The following COL23A1 variants were observed in gnomAD, a reference collection of about 807,000 sequenced individuals.
The protein encoded by COL23A1 is collagen type XXIII alpha 1 chain.
Under a neutral mutation model 99.3 loss-of-function variants are expected in COL23A1, and 97 were observed. The ratio of observed to expected loss-of-function variants is 0.98; its 90% CI spans 0.83 to 1.16. The LOEUF (loss-of-function observed/expected upper bound fraction) is 1.16. Ranked by LOEUF, COL23A1 falls within the 50% of genes most tolerant of loss-of-function variation. COL23A1 has a pLI of 0.00. For synonymous variants in COL23A1, 320 were observed against 308.2 expected (o/e 1.04, Z -0.40); for missense variants, 762 against 757.4 (o/e 1.01, Z -0.07).
intron 3 of COL23A1, among the ~76,000 whole-genome samples, chr5:178,302,952 A>G (rs1758151997): frequency 6.6e-6 from 1 of 152,148 alleles, no homozygotes; most frequent in Non-Finnish European, 1.5e-5. Context: ...GCTTCCTCCA[A>G]GTGGCTGCTA....
At chr5:178,402,591 C>T (rs918902651) in intron 2 of COL23A1, among the ~76,000 whole-genome samples, 2 of 151,934 alleles carry the variant, frequency 1.3e-5, no homozygotes, top group African/African-American at 4.8e-5. Context: ...GAAAAGATAA[C>T]ATTTAAGGCA....
intron 2 of COL23A1, among the ~76,000 whole-genome samples, chr5:178,538,633 A>G (rs1006628077): frequency 2.6e-5 from 4 of 152,242 alleles, no homozygotes; most frequent in African/African-American, 9.6e-5. Flanking sequence ...GCCCATCAAT[A>G]AGGTAGCTGT....
rs4526122 is a variant in COL23A1 at position 178,384,637 on chromosome 5, G to A, written c.362-77718C>T. 8.3e-3 allele frequency among the ~76,000 whole-genome samples: 1,265 copies of A among 152,294 alleles called. 23 individuals are homozygous for A. Among genetic ancestry groups the A allele is most frequent in the African/African-American group, 0.028 (1,169 of 41,556 alleles). On this transcript the variant is annotated intron_variant, in intron 2 of 28. Coordinates refer to ENST00000390654, the MANE Select transcript of COL23A1 (RefSeq NM_173465.4). The surrounding 1 kb of genome is among the most constrained non-coding windows in gnomAD (Gnocchi z 5.5). Reference sequence around the variant, plus strand: ...TGACATGGGAAACCAAGGCTCAGAGGGGGCAGGGCCGGGACTTGGACTCAG... The same window carrying A: ...TGACATGGGAAACCAAGGCTCAGAGAGGGCAGGGCCGGGACTTGGACTCAG...
In COL23A1 at chr5:178,434,298, C is replaced by A. The variant is rs1766427752; in HGVS notation, c.361+126384G>T. On this transcript the variant is annotated intron_variant, in intron 2 of 28. Coordinates refer to ENST00000390654, the MANE Select transcript of COL23A1 (RefSeq NM_173465.4). This position sits in a 1 kb window ranked among gnomAD's most constrained non-coding sequence, Gnocchi z 4.3. ...CTGGCCTCTGCAGCCTTCTTGGGTACCTCCTCCTCACGTACTCACTGGCCC... is the reference window on the plus strand; with the variant it reads ...CTGGCCTCTGCAGCCTTCTTGGGTAACTCCTCCTCACGTACTCACTGGCCC... Among the ~76,000 whole-genome samples the A allele has an allele frequency of 6.6e-6, 1 of 152,208 alleles. No individual in the cohort carries two copies. Among genetic ancestry groups the A allele is most frequent in the African/African-American group, 2.4e-5 (1 of 41,444 alleles).
At chr5:178,435,087 T>C (rs1378959405) in intron 2 of COL23A1, among the ~76,000 whole-genome samples, 1 of 152,240 alleles carries the variant, frequency 6.6e-6, no homozygotes, top group Non-Finnish European at 1.5e-5. Context: ...TCCTGGCTCC[T>C]GGAGATTTGC....
At chr5:178,345,886 A>G (rs1385225235) in intron 2 of COL23A1, among the ~76,000 whole-genome samples, 2 of 152,134 alleles carry the variant, frequency 1.3e-5, no homozygotes, top group Non-Finnish European at 2.9e-5. Context: ...TTTTGGGAGG[A>G]CATGGTCATT....
At chr5:178,257,308 A>T (rs897040475) in intron 13 of COL23A1, among the ~76,000 whole-genome samples, 19 of 152,020 alleles carry the variant, frequency 1.2e-4, no homozygotes, top group Admixed American at 1.3e-4. Flanking sequence ...TGGAAACAAG[A>T]GGGCTTGAGG....
intron 2 of COL23A1, among the ~76,000 whole-genome samples, chr5:178,455,681 G>A (rs534662065): frequency 8.5e-5 from 13 of 152,208 alleles, no homozygotes; most frequent in African/African-American, 2.4e-4. Context: ...TCTGCCACGC[G>A]GACGGACCGC....
At chr5:178,475,071 G>A (rs1756957667) in intron 2 of COL23A1, among the ~76,000 whole-genome samples, 2 of 152,120 alleles carry the variant, frequency 1.3e-5, no homozygotes, top group Admixed American at 1.3e-4. Context: ...TTCTTCCTGT[G>A]TATCTGTCTC....
intron 2 of COL23A1, among the ~76,000 whole-genome samples, chr5:178,398,818 G>A (rs1211166897): frequency 3.9e-5 from 6 of 152,188 alleles, no homozygotes; most frequent in Non-Finnish European, 5.9e-5. Context: ...CCCTAGGCAC[G>A]TCTTGTGCTA....
At chr5:178,297,188 T>C (rs114855649) in intron 3 of COL23A1, among the ~76,000 whole-genome samples, 1 of 152,376 alleles carries the variant, frequency 6.6e-6, no homozygotes, top group African/African-American at 2.4e-5. Context: ...CCACTGCCAC[T>C]GCCTTGGACA....
chr5:178,485,797 A>AAC (rs1757597078), intron 2 of COL23A1, among the ~76,000 whole-genome samples: 1 of 150,706 alleles, frequency 6.6e-6, no homozygotes, highest in African/African-American at 2.5e-5. Context: ...AAAAAAAAAA[A>AAC]ACACAGAAAT....
At chr5:178,422,377 G>A (rs1056550110) in intron 2 of COL23A1, among the ~76,000 whole-genome samples, 22 of 152,150 alleles carry the variant, frequency 1.4e-4, no homozygotes, top group African/African-American at 4.6e-4. Flanking sequence ...CGTTAGACAC[G>A]ATGTCAGCCT....
rs367657572 is a variant in COL23A1, at chr5:178,516,887, C to T, written c.361+43795G>A. On this transcript the variant is annotated intron_variant, in intron 2 of 28. Coordinates refer to ENST00000390654, the MANE Select transcript of COL23A1 (RefSeq NM_173465.4). ...TAAATAAGAGGAGGAGGGTACATTA[C>T]GGGCTGTGTGTGCGACCAGTAGCTG... Among the ~76,000 whole-genome samples, 75 of 152,316 alleles carry T rather than the reference C, an allele frequency of 4.9e-4. 1 individual carries two copies. In the Middle Eastern group the frequency reaches 0.027, roughly 55 times the overall value.
chr5:178,293,485 G>A (rs374937428), intron 3 of COL23A1, among the ~76,000 whole-genome samples: 4 of 152,280 alleles, frequency 2.6e-5, no homozygotes, highest in African/African-American at 7.2e-5. Flanking sequence ...GGAGGTGTTC[G>A]GGGACTGAGC....
intron 2 of COL23A1, among the ~76,000 whole-genome samples, chr5:178,426,057 C>T (rs1007673930): frequency 6.6e-6 from 1 of 152,214 alleles, no homozygotes. Flanking sequence ...GGCTCACATT[C>T]CTGCCGCTTC....
chr5:178,310,290 G>A lies in COL23A1; in HGVS notation c.362-3371C>T, dbSNP rs777590971. Among the ~76,000 whole-genome samples the A allele has an allele frequency of 1.3e-5, 2 of 152,158 alleles. No individual in the cohort carries two copies. Among genetic ancestry groups the A allele is most frequent in the African/African-American group, 2.4e-5 (1 of 41,422 alleles). On this transcript the variant is annotated intron_variant, in intron 2 of 28. Coordinates refer to ENST00000390654, the MANE Select transcript of COL23A1 (RefSeq NM_173465.4). This position sits in a 1 kb window ranked among gnomAD's most constrained non-coding sequence, Gnocchi z 4.3. ...CCGCAGGAGTGGGGGCAGGACGGAC[G>A]GCCTCTCCTGAGTCTCTGGACTATC... is the stretch of plus-strand genomic sequence containing the variant.
chr5:178,561,252 C>A (rs139662556), intron 1 of COL23A1, among the ~76,000 whole-genome samples: 247 of 152,340 alleles, frequency 1.6e-3, no homozygotes, highest in Middle Eastern at 0.014. Context: ...GGTTGAATCA[C>A]CCTGATGAAA....
At chr5:178,551,578 A>G (rs997858634) in intron 2 of COL23A1, among the ~76,000 whole-genome samples, 3 of 151,934 alleles carry the variant, frequency 2.0e-5, no homozygotes, top group Non-Finnish European at 2.9e-5. Context: ...TCCTGTGCCC[A>G]CCCACCCAGT....
Sources: allele counts gnomAD v4.1 joint callset (sites outside exome capture counted in the v4.1 genomes callset), GRCh38; gene constraint gnomAD v4.1.1; non-coding constraint Gnocchi (gnomAD v3.1); transcripts MANE v1.5; gene names NCBI Gene and HGNC (gene_info 2026-07-23, HGNC 2026-07-21).